The following GPC6 variants were observed in gnomAD, a reference collection of about 807,000 sequenced individuals.
The protein encoded by GPC6 is glypican-6.
Under a neutral mutation model 55.2 loss-of-function variants are expected in GPC6, and 14 were observed. The ratio of observed to expected loss-of-function variants is 0.25; its 90% CI spans 0.17 to 0.40. The LOEUF is 0.40. Among genes scored for constraint, GPC6 ranks in the 10% least tolerant of loss-of-function variants. The probability of loss-of-function intolerance (pLI) is 1.00; values close to 1 mark genes in which losing one functional copy is unlikely to be tolerated. For missense variants in GPC6, 641 were observed against 708.5 expected (o/e 0.90, Z 1.08); for synonymous variants, 278 against 259.6 (o/e 1.07, Z -0.68).
At chr13:93,439,699 T>TAAAATAAAATAAAATAAAATAAA (rs1566358104) in intron 1 of GPC6, among the ~76,000 whole-genome samples, 9 of 136,482 alleles carry the variant, frequency 6.6e-5, no homozygotes, top group African/African-American at 2.8e-4. Context: ...ATAAAAAAAA[T>TAAAATAAAATAAAATAAAATAAA]AAAATAAAAT....
intron 3 of GPC6, among the ~76,000 whole-genome samples, chr13:93,856,364 A>G (rs937528208): frequency 4.0e-5 from 6 of 151,608 alleles, no homozygotes; most frequent in Non-Finnish European, 8.9e-5. Context: ...AACATTAACA[A>G]TCAGCAAGTA....
rs568623882 is a variant in GPC6, at chr13:93,707,673, G to C, written c.320-122481G>C. Among the ~76,000 whole-genome samples, 7 of 151,766 alleles carry C rather than the reference G, an allele frequency of 4.6e-5. No individual in the cohort carries two copies. The East Asian group carries it at 1.4e-3, about 30-fold the overall frequency. On this transcript the variant is annotated intron_variant, in intron 2 of 8. Transcript: ENST00000377047. ...AACACTAATGAAAGAAAGATAGCTA[G>C]CATCTTATAGTGGAGACCTTTCTTT...
At chr13:94,287,668 T>C in intron 5 of GPC6, among the ~76,000 whole-genome samples, 1 of 152,154 alleles carries the variant, frequency 6.6e-6, no homozygotes, top group East Asian at 1.9e-4. Flanking sequence ...TGCTCCAAAT[T>C]ACCATCACCT....
At chr13:93,577,304 G>A (rs994967431) in intron 2 of GPC6, among the ~76,000 whole-genome samples, 9 of 152,042 alleles carry the variant, frequency 5.9e-5, no homozygotes, top group Admixed American at 5.2e-4. Context: ...AAGTTGGAGT[G>A]GAAAAGGGAA....
intron 6 of GPC6, among the ~76,000 whole-genome samples, chr13:94,375,574 A>G (rs1422681145): frequency 3.3e-5 from 5 of 151,794 alleles, no homozygotes; most frequent in Non-Finnish European, 5.9e-5. Flanking sequence ...CCAACCAAAA[A>G]GAGTCCAGAA....
chr13:93,535,752 A>C (rs910622840), intron 1 of GPC6, among the ~76,000 whole-genome samples: 5 of 151,870 alleles, frequency 3.3e-5, no homozygotes, highest in Non-Finnish European at 5.9e-5. Flanking sequence ...TAATTGTCAG[A>C]ATTTTAAGGA....
At chr13:93,907,338 C>T (rs1446979467) in intron 3 of GPC6, among the ~76,000 whole-genome samples, 2 of 152,274 alleles carry the variant, frequency 1.3e-5, no homozygotes, top group South Asian at 2.1e-4. Flanking sequence ...AAAATTTTCT[C>T]TTCCATTTTC....
At chr13:94,133,201 T>A (rs77621143) in intron 4 of GPC6, among the ~76,000 whole-genome samples, 1 of 50,520 alleles carries the variant, frequency 2.0e-5, no homozygotes. Context: ...ACTATATGAC[T>A]CTGTCTCGAT....
At chr13:93,550,147 GTAT>G (rs1186656239) in intron 2 of GPC6, among the ~76,000 whole-genome samples, 1 of 152,110 alleles carries the variant, frequency 6.6e-6, no homozygotes, top group African/African-American at 2.4e-5. Flanking sequence ...CAATGAAGAT[GTAT>G]TATTATTATT....
At chr13:93,706,543 C>G (rs1882855145) in intron 2 of GPC6, among the ~76,000 whole-genome samples, 1 of 151,856 alleles carries the variant, frequency 6.6e-6, no homozygotes, top group African/African-American at 2.4e-5. Context: ...TTCAGTTAAT[C>G]ACTGCTATCA....
At chr13:93,229,487 C>T (rs1023987762) in intron 1 of GPC6, among the ~76,000 whole-genome samples, 1 of 152,178 alleles carries the variant, frequency 6.6e-6, no homozygotes, top group Non-Finnish European at 1.5e-5. Context: ...GACTAGAGTT[C>T]ATCCTCAGCA....
At chr13:93,596,606 A>ATATATAT (rs1555314936) in intron 2 of GPC6, among the ~76,000 whole-genome samples, 16 of 54,832 alleles carry the variant, frequency 2.9e-4, no homozygotes, top group African/African-American at 1.6e-3. Flanking sequence ...TAAATAAATA[A>ATATATAT]ATAAATATAT....
At chr13:93,586,811 A>G (rs1483156232) in intron 2 of GPC6, among the ~76,000 whole-genome samples, 1 of 152,228 alleles carries the variant, frequency 6.6e-6, no homozygotes, top group Non-Finnish European at 1.5e-5. Flanking sequence ...AATGTTCTAT[A>G]CTATGATGTT....
At chr13:93,611,595 C>A (rs897292581) in intron 2 of GPC6, among the ~76,000 whole-genome samples, 2 of 152,052 alleles carry the variant, frequency 1.3e-5, no homozygotes, top group Non-Finnish European at 2.9e-5. Flanking sequence ...TTTTGATAAA[C>A]CTGGATAGAT....
intron 1 of GPC6, among the ~76,000 whole-genome samples, chr13:93,350,304 G>A (rs1242918384): frequency 6.6e-6 from 1 of 151,970 alleles, no homozygotes; most frequent in Non-Finnish European, 1.5e-5. Flanking sequence ...GTGTGGTGGC[G>A]GGTGCTTTAG....
intron 3 of GPC6, among the ~76,000 whole-genome samples, chr13:93,876,667 G>A (rs993869250): frequency 6.6e-6 from 1 of 151,992 alleles, no homozygotes; most frequent in African/African-American, 2.4e-5. Context: ...TCTCACTTTA[G>A]TCCAACCCAT....
chr13:94,390,102 C>G (rs2139217195), intron 7 of GPC6, among the ~76,000 whole-genome samples: 1 of 152,312 alleles, frequency 6.6e-6, no homozygotes, highest in South Asian at 2.1e-4. Context: ...AGATCAGTCA[C>G]TCTCATCACA....
chr13:94,229,457 G>T (rs1166560969), intron 4 of GPC6, among the ~76,000 whole-genome samples: 4 of 152,150 alleles, frequency 2.6e-5, no homozygotes, highest in African/African-American at 9.7e-5. Flanking sequence ...TTTTGCAGTA[G>T]CTGTATTAAG....
At chr13:93,587,152 C>T (rs551197296) in intron 2 of GPC6, among the ~76,000 whole-genome samples, 1 of 151,984 alleles carries the variant, frequency 6.6e-6, no homozygotes, top group South Asian at 2.1e-4. Flanking sequence ...CCTCTCTGGG[C>T]CTTCGTTTTT....
Sources: gnomAD v4.1 joint callset for allele counts (sites outside exome capture counted in the v4.1 genomes callset) on GRCh38, gnomAD v4.1.1 for gene constraint, MANE v1.5 for transcripts, NCBI Gene and HGNC (gene_info 2026-07-23, HGNC 2026-07-21) for gene names.